The following TMED8 variants were observed in gnomAD, a reference collection of about 807,000 sequenced individuals.
TMED8 encodes protein TMED8.
TMED8 carries 15 observed loss-of-function variants against 32.7 expected under a neutral mutation model. That is an observed-to-expected ratio of 0.46 (90% CI 0.31 to 0.71). The LOEUF is 0.71. TMED8 is among the 30% of genes least tolerant of loss of function. The probability of loss-of-function intolerance (pLI) is 0.06; values close to 1 mark genes in which losing one functional copy is unlikely to be tolerated. For synonymous variants in TMED8, 147 were observed against 161.4 expected (o/e 0.91, Z 0.68); for missense variants, 390 against 423.9 (o/e 0.92, Z 0.70).
At chr14:77,348,272 G>A (rs1339923645) in intron 2 of TMED8, among the ~76,000 whole-genome samples, 1 of 149,432 alleles carries the variant, frequency 6.7e-6, no homozygotes, top group African/African-American at 2.5e-5. Context: ...CGCCCAGGCT[G>A]GAGTGCAGTG....
At position 77,341,505 on chromosome 14, in the gene TMED8, C is replaced by T; in HGVS notation, c.*266G>A. The T allele has an allele frequency of 1.9e-6, 1 of 516,738 alleles. No individual in the cohort carries two copies. The highest frequency in any genetic ancestry group is 3.5e-6 in the Non-Finnish European group (1 of 285,626). The allele number at this position is 516,738 out of a possible 1,614,324, so 32.0% of individuals were successfully genotyped here. On this transcript the variant is annotated 3_prime_UTR_variant, in exon 6 of 6. Transcript: ENST00000216468. Reference sequence around the variant, plus strand: ...CCTGCTTCCTTTTAGGCTTGTGCCCCATAGGTGCCTTCAAGAGGGAATTTG... The same window carrying T: ...CCTGCTTCCTTTTAGGCTTGTGCCCTATAGGTGCCTTCAAGAGGGAATTTG...
intron 1 of TMED8, among the ~76,000 whole-genome samples, chr14:77,369,234 T>A (rs928951690): frequency 2.6e-5 from 4 of 152,254 alleles, no homozygotes; most frequent in Admixed American, 1.3e-4. Context: ...TTGATTCTAT[T>A]CCTAGAGCCT....
Position 77,343,190 on chromosome 14 carries a change from C to T in TMED8, c.748G>A (p.Glu250Lys). ...AAATTAAATTTACCTTCAATCTCTT[C>T]CTCCTCTTCCTCTTCTTCATCCTCA... ...DDEDEEEEEE[E>K]EIEEPVPAGD... The change falls in exon 5 of 6, where the codon GAA becomes AAA. Residue 250 changes from glutamate (E) to lysine (K), a missense_variant. Coordinates refer to ENST00000216468, the MANE Select transcript of TMED8 (RefSeq NM_213601.3). The T allele has an allele frequency of 6.2e-7, 1 of 1,612,974 alleles. No individual in the cohort carries two copies. Among genetic ancestry groups the T allele is most frequent in the South Asian group, 1.1e-5 (1 of 91,074 alleles).
At chr14:77,354,869 A>G (rs1359314965) in intron 1 of TMED8, among the ~76,000 whole-genome samples, 2 of 151,840 alleles carry the variant, frequency 1.3e-5, no homozygotes, top group Admixed American at 6.6e-5. Flanking sequence ...CAGGAGAATC[A>G]CTTGAACCCT....
At position 77,338,591 on chromosome 14, in the gene TMED8, A is replaced by G. The variant is rs1221075705; in HGVS notation, c.*3180T>C. On this transcript the variant is annotated 3_prime_UTR_variant, in exon 6 of 6. Coordinates refer to ENST00000216468, the MANE Select transcript of TMED8 (RefSeq NM_213601.3). ...TCCAGGCCAAACCAGTGTATACCTT[A>G]CATGTATTGATTTATGGCTTTGCCT... 2 of 152,200 alleles carry G rather than the reference A, an allele frequency of 1.3e-5. No individual in the cohort carries two copies. The highest frequency in any genetic ancestry group is 2.9e-5 in the Non-Finnish European group (2 of 68,034). The allele number at this position is 152,200 out of a possible 1,614,324, so 9.4% of individuals were successfully genotyped here.
chr14:77,358,583 C>T (rs1456659485), intron 1 of TMED8, among the ~76,000 whole-genome samples: 1 of 152,174 alleles, frequency 6.6e-6, no homozygotes, highest in Non-Finnish European at 1.5e-5. Flanking sequence ...AGGCGTGAGC[C>T]ACCACGCCTA....
intron 1 of TMED8, among the ~76,000 whole-genome samples, chr14:77,362,160 G>C (rs1228689374): frequency 6.6e-6 from 1 of 151,554 alleles, no homozygotes; most frequent in Non-Finnish European, 1.5e-5. Flanking sequence ...ATCTGCAAAT[G>C]GACATAACTT....
At chr14:77,351,000 G>C (rs554284475) in intron 2 of TMED8, among the ~76,000 whole-genome samples, 1 of 152,274 alleles carries the variant, frequency 6.6e-6, no homozygotes, top group African/African-American at 2.4e-5. Context: ...CTTCTGGTTT[G>C]TACTGACCTG....
intron 1 of TMED8, among the ~76,000 whole-genome samples, chr14:77,363,023 T>C (rs56686781): frequency 0.025 from 3,868 of 152,176 alleles, 176 homozygotes; most frequent in African/African-American, 0.089. Flanking sequence ...AATATAAGAA[T>C]AGTAGGGGAC....
At chr14:77,368,984 C>T (rs929253759) in intron 1 of TMED8, among the ~76,000 whole-genome samples, 2 of 152,114 alleles carry the variant, frequency 1.3e-5, no homozygotes, top group African/African-American at 4.8e-5. Flanking sequence ...TATTGAGATC[C>T]GAAAATATTC....
rs1892914187 is a variant in TMED8, at chr14:77,341,978, T to G, written c.771A>C (p.Pro257=). Residue 257 remains proline (P), a synonymous_variant, in exon 6 of 6, where the codon CCA becomes CCC. Coordinates refer to ENST00000216468, the MANE Select transcript of TMED8 (RefSeq NM_213601.3). ...TGGAGCCTCTCTCCACATCTCCAGC[T>G]GGAACGGGTTCTGCGTGAGCAAAAT... ...EEEEEIEEPV[P]AGDVERGSRS... is the part of the protein sequence containing the mutation. 1 of 1,613,840 alleles carries G rather than the reference T, an allele frequency of 6.2e-7. No individual in the cohort carries two copies. The highest frequency in any genetic ancestry group is 1.1e-5 in the South Asian group (1 of 91,074).
chr14:77,356,862 T>C (rs1329300528), intron 1 of TMED8, among the ~76,000 whole-genome samples: 1 of 152,238 alleles, frequency 6.6e-6, no homozygotes, highest in Non-Finnish European at 1.5e-5. Flanking sequence ...TTTAAAAAAC[T>C]GATCTGCAGA....
At chr14:77,363,444 G>A (rs1220159130) in intron 1 of TMED8, among the ~76,000 whole-genome samples, 1 of 152,118 alleles carries the variant, frequency 6.6e-6, no homozygotes, top group Non-Finnish European at 1.5e-5. Context: ...AAACCTAGGG[G>A]ATGCAACGAA....
In TMED8 at chr14:77,336,993, AAGAC is replaced by A; in HGVS notation, c.*4774_*4777del. On this transcript the variant is annotated 3_prime_UTR_variant, in exon 6 of 6. Coordinates refer to ENST00000216468, the MANE Select transcript of TMED8 (RefSeq NM_213601.3). ...AATACCTAATTCTACTGCTTAATATAAGACAGCGTTCAGATTTCACTCTTCCATA... is the reference window on the plus strand; with the variant it reads ...AATACCTAATTCTACTGCTTAATATAAGCGTTCAGATTTCACTCTTCCATA... 1 of 152,338 alleles carries A rather than the reference AAGAC, an allele frequency of 6.6e-6. No homozygotes were observed. The highest frequency in any genetic ancestry group is 1.9e-4 in the East Asian group (1 of 5,188). The allele number at this position is 152,338 out of a possible 1,614,324, so 9.4% of individuals were successfully genotyped here.
chr14:77,353,722 A>G (rs992990017), intron 1 of TMED8, among the ~76,000 whole-genome samples: 3 of 151,620 alleles, frequency 2.0e-5, no homozygotes, highest in Non-Finnish European at 2.9e-5. Flanking sequence ...CAGCCTCCCA[A>G]AGTGCTGAGA....
At position 77,338,649 on chromosome 14, in the gene TMED8, G is replaced by A. The variant is rs747783568; in HGVS notation, c.*3122C>T. On this transcript the variant is annotated 3_prime_UTR_variant, in exon 6 of 6. Coordinates refer to ENST00000216468, the MANE Select transcript of TMED8 (RefSeq NM_213601.3). ...CTGTCTCCCTCAAATGTATAAAACTGTAACCCGACTACCTCGGGCACATGT... is the reference window on the plus strand; with the variant it reads ...CTGTCTCCCTCAAATGTATAAAACTATAACCCGACTACCTCGGGCACATGT... The A allele has an allele frequency of 6.6e-6, 1 of 152,180 alleles. No homozygotes were observed. Among genetic ancestry groups the A allele is most frequent in the Non-Finnish European group, 1.5e-5 (1 of 68,052 alleles). 9.4% of individuals were successfully genotyped at this position (152,180 alleles called of 1,614,324 possible). A position where few individuals can be genotyped will look rare whatever the true frequency, so the allele number is the denominator to read the frequency against.
intron 1 of TMED8, among the ~76,000 whole-genome samples, chr14:77,372,927 T>TATATAC (rs1403305657): frequency 3.2e-5 from 1 of 31,456 alleles, no homozygotes; most frequent in African/African-American, 2.1e-4. Flanking sequence ...TATATATATA[T>TATATAC]ATATATATAT....
At chr14:77,363,267 C>T (rs769922744) in intron 1 of TMED8, among the ~76,000 whole-genome samples, 2 of 151,964 alleles carry the variant, frequency 1.3e-5, no homozygotes, top group Non-Finnish European at 2.9e-5. Flanking sequence ...TTATTTCCAA[C>T]CACAATGGTA....
intron 2 of TMED8, among the ~76,000 whole-genome samples, chr14:77,350,839 T>G (rs1893160012): frequency 1.3e-5 from 2 of 152,198 alleles, no homozygotes; most frequent in Non-Finnish European, 2.9e-5. Flanking sequence ...AAAATTATGT[T>G]AAACAGGATA....
Sources: gnomAD v4.1 joint callset for allele counts (sites outside exome capture counted in the v4.1 genomes callset) on GRCh38, gnomAD v4.1.1 for gene constraint, MANE v1.5 for transcripts, NCBI Gene and HGNC (gene_info 2026-07-23, HGNC 2026-07-21) for gene names.